SH3BGRL2: variants seen among roughly 807,000 people sequenced by gnomAD.
The protein encoded by SH3BGRL2 is SH3 domain binding glutamate rich protein like 2.
In SH3BGRL2, 21 loss-of-function variants were observed where a neutral mutation model predicts 14.8. The ratio of observed to expected loss-of-function variants is 1.42; its 90% confidence interval spans 1.01 to 2.05. SH3BGRL2 has a LOEUF of 2.05. Among genes scored for constraint, SH3BGRL2 ranks in the 30% most tolerant of loss-of-function variants. The pLI, the probability that SH3BGRL2 is intolerant of heterozygous loss-of-function variation, is 0.00. For synonymous variants in SH3BGRL2, 50 were observed against 47.8 expected, an observed-to-expected ratio of 1.05 and a Z score of -0.19; for missense variants, 147 against 130.8, an observed-to-expected ratio of 1.12 and a Z score of -0.61.
chr6:79,612,673 T>C, the SH3BGRL2 span, among the ~76,000 whole-genome samples: 1 of 152,204 alleles, frequency 6.6e-6, no homozygotes, highest in African/African-American at 2.4e-5. Flanking sequence ...AATCTTCCTC[T>C]CTAATTAAGT....
chr6:79,677,985 C>A (rs1291677591), intron 2 of SH3BGRL2, among the ~76,000 whole-genome samples: 1 of 149,686 alleles, frequency 6.7e-6, no homozygotes, highest in Non-Finnish European at 1.5e-5. Flanking sequence ...CTCTGTGGAA[C>A]TGGCATTTGT....
Position 79,699,513 on chromosome 6 carries a change from A to G in SH3BGRL2, c.*4A>G. The G allele has an allele frequency of 6.6e-7, 1 of 1,521,888 alleles. No individual in the cohort carries two copies. The highest frequency in any genetic ancestry group is 8.7e-7 in the Non-Finnish European group (1 of 1,143,166). 94.3% of individuals were successfully genotyped at this position (1,521,888 alleles called of 1,614,324 possible). A position where few individuals can be genotyped will look rare whatever the true frequency, so the allele number is the denominator to read the frequency against. The stretch of plus-strand genomic sequence containing the variant: ...TTTTTTATAGGCAGAACCTTAGAGA[A>G]GAAGAGTGGAAGATGACGGAGATGC... On this transcript the variant is annotated 3_prime_UTR_variant, in exon 4 of 4. Coordinates refer to ENST00000369838, the MANE Select transcript of SH3BGRL2 (RefSeq NM_031469.4).
chr6:79,613,507 T>C, the SH3BGRL2 span, among the ~76,000 whole-genome samples: 1 of 152,346 alleles, frequency 6.6e-6, no homozygotes, highest in South Asian at 2.1e-4. Context: ...ATTCATACTC[T>C]AGAGATAAGG....
chr6:79,661,535 A>G (rs916650153), intron 1 of SH3BGRL2, among the ~76,000 whole-genome samples: 2 of 152,174 alleles, frequency 1.3e-5, no homozygotes, highest in Non-Finnish European at 2.9e-5. Flanking sequence ...TTGGCTGAGG[A>G]GTGCTTTACT....
At chr6:79,580,172 G>C in the SH3BGRL2 span, among the ~76,000 whole-genome samples, 213 of 152,250 alleles carry the variant, frequency 1.4e-3, 1 homozygote, top group Middle Eastern at 0.01. Context: ...CCTACAAAGA[G>C]ACTTAGACTC....
the SH3BGRL2 span, among the ~76,000 whole-genome samples, chr6:79,555,266 A>G: frequency 3.9e-5 from 6 of 152,200 alleles, no homozygotes; most frequent in Admixed American, 2.6e-4. Context: ...CCTAGCCAAC[A>G]TAGCAAAACT....
At chr6:79,549,839 T>A in the SH3BGRL2 span, among the ~76,000 whole-genome samples, 2,043 of 152,180 alleles carry the variant, frequency 0.013, 20 homozygotes, top group Non-Finnish European at 0.022. Context: ...CACAAACAAA[T>A]AAGAATTCTT....
chr6:79,699,270 G>T (rs917943480), intron 3 of SH3BGRL2, among the ~76,000 whole-genome samples: 8 of 151,996 alleles, frequency 5.3e-5, no homozygotes, highest in Non-Finnish European at 7.4e-5. Flanking sequence ...AAAACATGCG[G>T]CTTTCTTTCC....
chr6:79,658,824 G>T (rs1769478710), intron 1 of SH3BGRL2, among the ~76,000 whole-genome samples: 1 of 152,080 alleles, frequency 6.6e-6, no homozygotes, highest in Non-Finnish European at 1.5e-5. Context: ...GACTTTTAAT[G>T]ATTGCCATTC....
At chr6:79,588,096 A>T in the SH3BGRL2 span, among the ~76,000 whole-genome samples, 877 of 152,216 alleles carry the variant, frequency 5.8e-3, 12 homozygotes, top group African/African-American at 0.02. Flanking sequence ...GATTGAGACC[A>T]TTCTGGCTAA....
At chr6:79,684,934 A>G (rs1770062163) in intron 2 of SH3BGRL2, among the ~76,000 whole-genome samples, 1 of 152,126 alleles carries the variant, frequency 6.6e-6, no homozygotes, top group South Asian at 2.1e-4. Flanking sequence ...CCAGGAGGGG[A>G]AAAGTTGAGT....
At chr6:79,647,017 G>A (rs747439381) in intron 1 of SH3BGRL2, among the ~76,000 whole-genome samples, 4 of 152,146 alleles carry the variant, frequency 2.6e-5, no homozygotes, top group Admixed American at 6.5e-5. Flanking sequence ...ATAAGTTTTC[G>A]TATGAACGTA....
At chr6:79,572,316 G>A in the SH3BGRL2 span, among the ~76,000 whole-genome samples, 10 of 152,098 alleles carry the variant, frequency 6.6e-5, no homozygotes, top group African/African-American at 2.4e-4. Context: ...GCTCTTCAAA[G>A]TAGTAATATC....
rs187663349 is a variant in SH3BGRL2 at position 79,698,849 on chromosome 6, C to T, written c.313-649C>T. On this transcript the variant is annotated intron_variant, in intron 3 of 3. Transcript: ENST00000369838. ...TTCTGAGAAAGGGAGGCCATTTCAC[C>T]GATACTTTTTAGGTAGAAAACCATC... is the stretch of plus-strand genomic sequence containing the variant. 4.6e-3 allele frequency among the ~76,000 whole-genome samples: 694 copies of T among 152,132 alleles called. 6 individuals carry two copies. Among genetic ancestry groups the T allele is most frequent in the African/African-American group, 0.015 (619 of 41,488 alleles).
rs192455449 is a variant in SH3BGRL2, at chr6:79,647,376, A to G, written c.45+15870A>G. ...GCTCTGAATTTCAGATTTTTCTTCT[A>G]TTCCTTGCGCAGACCATATGAATAA... On this transcript the variant is annotated intron_variant, in intron 1 of 3. Coordinates refer to ENST00000369838, the MANE Select transcript of SH3BGRL2 (RefSeq NM_031469.4). 1.2e-4 allele frequency among the ~76,000 whole-genome samples: 18 copies of G among 151,682 alleles called. No individual in the cohort carries two copies. The South Asian group carries it at 1.5e-3, about 12-fold the overall frequency.
the SH3BGRL2 span, among the ~76,000 whole-genome samples, chr6:79,588,668 C>A: frequency 6.6e-6 from 1 of 152,092 alleles, no homozygotes; most frequent in Non-Finnish European, 1.5e-5. Flanking sequence ...AATCATATGT[C>A]ATTATTTAAT....
the SH3BGRL2 span, among the ~76,000 whole-genome samples, chr6:79,551,871 C>A: frequency 6.6e-6 from 1 of 152,108 alleles, no homozygotes; most frequent in East Asian, 1.9e-4. Flanking sequence ...GGGTGGATCA[C>A]CTGAGGTCAG....
the SH3BGRL2 span, among the ~76,000 whole-genome samples, chr6:79,569,231 A>G: frequency 1.3e-5 from 2 of 152,328 alleles, no homozygotes; most frequent in East Asian, 3.9e-4. Context: ...TGAAAGAGTT[A>G]TTACCTAAAG....
At chr6:79,579,543 C>A in the SH3BGRL2 span, among the ~76,000 whole-genome samples, 2 of 152,110 alleles carry the variant, frequency 1.3e-5, no homozygotes, top group Non-Finnish European at 2.9e-5. Flanking sequence ...CATATCCAGC[C>A]AAACTAAGCT....
Sources: allele counts gnomAD v4.1 joint callset (sites outside exome capture counted in the v4.1 genomes callset), GRCh38; gene constraint gnomAD v4.1.1; transcripts MANE v1.5; gene names NCBI Gene and HGNC (gene_info 2026-07-23, HGNC 2026-07-21).